ROR2: variants seen among roughly 807,000 people sequenced by gnomAD.
The protein encoded by ROR2 is ROR family WNT receptor 2.
A neutral mutation model predicts 74.9 loss-of-function variants in ROR2; 33 were observed. The ratio of observed to expected loss-of-function variants is 0.44; its 90% CI spans 0.33 to 0.59. The LOEUF is 0.59. Among genes scored for constraint, ROR2 ranks in the 20% least tolerant of loss-of-function variants. The pLI is 0.02. For synonymous variants in ROR2, 586 were observed against 558.7 expected (o/e 1.05, Z -0.69); for missense variants, 1,216 against 1,313.8 (o/e 0.93, Z 1.15).
Position 91,724,147 on chromosome 9 carries a change from T to C in ROR2, c.2347A>G (p.Asn783Asp). ...LSTSPVSNVS[N>D]ARYVGPKQKA... ...TGCTTGGGCCCCACGTAGCGGGCGT[T>C]GCTCACATTGCTCACTGGGCTGGTG... is the stretch of plus-strand genomic sequence containing the variant. Residue 783 changes from asparagine (N) to aspartate (D), a missense_variant, in exon 9 of 9, where the codon AAC (asparagine) becomes GAC (aspartate). Physicochemically the swap from Asn to Asp is conservative, Grantham distance 23. Coordinates refer to ENST00000375708, the MANE Select transcript of ROR2 (RefSeq NM_004560.4). 12 of 1,611,564 alleles carry C rather than the reference T, an allele frequency of 7.4e-6. No homozygotes were observed. Among genetic ancestry groups the C allele is most frequent in the Non-Finnish European group, 1.0e-5 (12 of 1,179,996 alleles).
chr9:91,732,165 C>A (rs1837265498), intron 6 of ROR2, among the ~76,000 whole-genome samples: 1 of 152,166 alleles, frequency 6.6e-6, no homozygotes, highest in South Asian at 2.1e-4. Flanking sequence ...TAAATACAGC[C>A]CCGGAGCTGT....
At chr9:91,883,839 C>T (rs900663046) in intron 1 of ROR2, among the ~76,000 whole-genome samples, 5 of 152,200 alleles carry the variant, frequency 3.3e-5, no homozygotes, top group African/African-American at 1.2e-4. Context: ...CCACCAAAAT[C>T]CCTTCCCCTT....
intron 2 of ROR2, among the ~76,000 whole-genome samples, chr9:91,769,274 C>T (rs1826153219): frequency 6.6e-6 from 1 of 152,148 alleles, no homozygotes; most frequent in South Asian, 2.1e-4. Context: ...GGACACTGGG[C>T]TCAGTGCAAG....
At chr9:91,849,406 C>A (rs1361898084) in intron 1 of ROR2, among the ~76,000 whole-genome samples, 5 of 152,198 alleles carry the variant, frequency 3.3e-5, no homozygotes, top group African/African-American at 1.2e-4. Context: ...AGATGTGCTT[C>A]CAAGCTCCCC....
In ROR2 at chr9:91,808,901, G is replaced by A. The variant is rs919621817; in HGVS notation, c.98-33083C>T. On this transcript the variant is annotated intron_variant, in intron 1 of 8. Transcript: ENST00000375708. ...GCCTGTAGTCCCAGCTACTCAGGAG[G>A]CTGAGGCAGGAGAATGGCATGAACC... Among the ~76,000 whole-genome samples the A allele has an allele frequency of 5.3e-5, 8 of 151,776 alleles. 1 individual carries two copies. Among genetic ancestry groups the A allele is most frequent in the African/African-American group, 1.9e-4 (8 of 41,362 alleles).
chr9:91,926,428 G>A (rs1224246327), intron 1 of ROR2, among the ~76,000 whole-genome samples: 4 of 148,776 alleles, frequency 2.7e-5, no homozygotes, highest in Non-Finnish European at 4.4e-5. Context: ...TGCCTATAAC[G>A]CCAGCTACTC....
At chr9:91,860,676 T>C (rs1166744462) in intron 1 of ROR2, among the ~76,000 whole-genome samples, 1 of 152,188 alleles carries the variant, frequency 6.6e-6, no homozygotes, top group Non-Finnish European at 1.5e-5. Context: ...CCTGGAGTAC[T>C]AACGTGTGAA....
At chr9:91,805,286 C>A (rs2119074469) in intron 1 of ROR2, among the ~76,000 whole-genome samples, 1 of 152,304 alleles carries the variant, frequency 6.6e-6, no homozygotes, top group Non-Finnish European at 1.5e-5. Context: ...GAGTTAGGGG[C>A]AGGGGAGAAC....
intron 1 of ROR2, among the ~76,000 whole-genome samples, chr9:91,875,833 A>G (rs993846930): frequency 1.3e-5 from 2 of 152,112 alleles, no homozygotes; most frequent in African/African-American, 4.8e-5. Flanking sequence ...GCAGCTTTAT[A>G]AGGGGGGTCC....
chr9:91,867,897 C>A (rs563381721), intron 1 of ROR2, among the ~76,000 whole-genome samples: 7 of 152,230 alleles, frequency 4.6e-5, no homozygotes, highest in African/African-American at 1.4e-4. Context: ...AGACTGACTG[C>A]CCGTAAAACA....
At chr9:91,822,901 C>A (rs923986446) in intron 1 of ROR2, among the ~76,000 whole-genome samples, 1 of 152,134 alleles carries the variant, frequency 6.6e-6, no homozygotes, top group African/African-American at 2.4e-5. Context: ...GACATCCAGT[C>A]TGACAGCAAA....
At chr9:91,824,450 C>T (rs1490803307) in intron 1 of ROR2, among the ~76,000 whole-genome samples, 1 of 152,182 alleles carries the variant, frequency 6.6e-6, no homozygotes, top group Non-Finnish European at 1.5e-5. Flanking sequence ...GTGCACACGC[C>T]GGGGGCAGGG....
At position 91,885,609 on chromosome 9, in the gene ROR2, G is replaced by A. The variant is rs1830247281; in HGVS notation, c.97+64258C>T. Among the ~76,000 whole-genome samples the A allele has an allele frequency of 2.6e-5, 4 of 152,214 alleles. No homozygotes were observed. In the South Asian group the frequency reaches 6.2e-4, roughly 24 times the overall value. On this transcript the variant is annotated intron_variant, in intron 1 of 8. Coordinates refer to ENST00000375708, the MANE Select transcript of ROR2 (RefSeq NM_004560.4). ...GAGATCTGGAAACATGCTGGTCCCC[G>A]CCAAAATGTAATTCCAAATAGAAAT...
intron 1 of ROR2, among the ~76,000 whole-genome samples, chr9:91,886,514 C>T (rs958458973): frequency 4.6e-5 from 7 of 152,160 alleles, no homozygotes; most frequent in Non-Finnish European, 1.0e-4. Flanking sequence ...GGCGCGGCAG[C>T]CCCTCCGCCC....
rs1831823513 is a variant in ROR2 at position 91,940,610 on chromosome 9, CTTGAGACAGAG to C, written c.97+9246_97+9256del. Among the ~76,000 whole-genome samples, 12 of 99,078 alleles carry C rather than the reference CTTGAGACAGAG, an allele frequency of 1.2e-4. No individual in the cohort carries two copies. The South Asian group carries it at 2.5e-3, about 21-fold the overall frequency. The allele number at this position is 99,078 out of a possible 152,430, so 65.0% of individuals were successfully genotyped here. On this transcript the variant is annotated intron_variant, in intron 1 of 8. Coordinates refer to ENST00000375708, the MANE Select transcript of ROR2 (RefSeq NM_004560.4). ...CGTGCAATTCTTTTTTTTTTTTTTT[CTTGAGACAGAG>C]TCTTGCTCTGTCACCCAGGCTAGAG...
chr9:91,838,673 C>A (rs1011910513), intron 1 of ROR2, among the ~76,000 whole-genome samples: 2 of 152,034 alleles, frequency 1.3e-5, no homozygotes, highest in African/African-American at 4.8e-5. Flanking sequence ...ATAGAGACCC[C>A]GAGCACCACG....
At chr9:91,895,530 A>T (rs1830513867) in intron 1 of ROR2, among the ~76,000 whole-genome samples, 1 of 152,138 alleles carries the variant, frequency 6.6e-6, no homozygotes, top group African/African-American at 2.4e-5. Flanking sequence ...TTTTGTTGTG[A>T]ACCTAAAATG....
chr9:91,943,948 T>C (rs1339598843), intron 1 of ROR2, among the ~76,000 whole-genome samples: 1 of 152,162 alleles, frequency 6.6e-6, no homozygotes, highest in East Asian at 1.9e-4. Flanking sequence ...TCACACTCAA[T>C]GTTAAAAGAC....
chr9:91,904,051 TG>T (rs3083902), intron 1 of ROR2, among the ~76,000 whole-genome samples: 8,557 of 93,158 alleles, frequency 0.092, 672 homozygotes, highest in African/African-American at 0.21. Context: ...TGTTTTTTTT[TG>T]GGGGGGGGGA....
Sources: gnomAD v4.1 joint callset for allele counts (sites outside exome capture counted in the v4.1 genomes callset) on GRCh38, gnomAD v4.1.1 for gene constraint, MANE v1.5 for transcripts, NCBI Gene and HGNC (gene_info 2026-07-23, HGNC 2026-07-21) for gene names.